Variants in HECA observed in about 807,000 individuals in gnomAD.
The protein encoded by HECA is HECA ribonucleoprotein granule regulator, also known as headcase protein homolog.
Under a neutral mutation model 37.6 loss-of-function variants are expected in HECA, and 13 were observed. The ratio of observed to expected loss-of-function variants is 0.35; its 90% CI spans 0.23 to 0.55. HECA has a LOEUF of 0.55. Ranked by LOEUF, HECA falls within the 20% of genes least tolerant of loss-of-function variation. The pLI is 0.90. For missense variants in HECA, 527 were observed against 701.9 expected (o/e 0.75, Z 2.82); for synonymous variants, 307 against 291.5 (o/e 1.05, Z -0.54).
rs543664070 is a variant in HECA at position 139,157,830 on chromosome 6, A to C, written c.272-8454A>C. Among the ~76,000 whole-genome samples, 3 of 152,192 alleles carry C rather than the reference A, an allele frequency of 2.0e-5. No homozygotes were observed. In the East Asian group the frequency reaches 5.8e-4, roughly 29 times the overall value. On this transcript the variant is annotated intron_variant, in intron 1 of 3. Coordinates refer to ENST00000367658, the MANE Select transcript of HECA (RefSeq NM_016217.3). ...CAGGATTGAGGCGAGGCACAGGTGG[A>C]GGAGGGTGTGTGCCTGCATGTAGCA...
At chr6:139,144,044 C>T (rs970412960) in intron 1 of HECA, among the ~76,000 whole-genome samples, 2 of 151,866 alleles carry the variant, frequency 1.3e-5, no homozygotes, top group Non-Finnish European at 2.9e-5. Context: ...GGTGAGGAGC[C>T]CAGGATGTAC....
Position 139,135,367 on chromosome 6 carries a change from C to G in HECA, c.-30C>G, listed in dbSNP as rs375652407. 1.8e-5 allele frequency: 24 copies of G among 1,321,998 alleles called. No homozygotes were observed. The African/African-American group carries it at 3.1e-4, about 17-fold the overall frequency. 81.9% of individuals were successfully genotyped at this position (1,321,998 alleles called of 1,614,324 possible). A position where few individuals can be genotyped will look rare whatever the true frequency, so the allele number is the denominator to read the frequency against. On this transcript the variant is annotated 5_prime_UTR_variant, in exon 1 of 4. Transcript: ENST00000367658. Reference sequence around the variant, plus strand: ...CTCTGGGATCCGCCTTCGCTGACGCCGGGCACCTACCTGGACGCGAGCGAG... The same window carrying G: ...CTCTGGGATCCGCCTTCGCTGACGCGGGGCACCTACCTGGACGCGAGCGAG...
At position 139,174,548 on chromosome 6, in the gene HECA, T is replaced by C. The variant is rs1775024218; in HGVS notation, c.1467+9T>C. 6.2e-7 allele frequency: 1 copy of C among 1,613,112 alleles called. No homozygotes were observed. The highest frequency in any genetic ancestry group is 8.5e-7 in the Non-Finnish European group (1 of 1,179,484). ...CCTCTCCATGTTGTCAGGTAGGTAC[T>C]GAACACACTGAGGGAGCAGTGGGTG... On this transcript the variant is annotated intron_variant, in intron 3 of 3. Transcript: ENST00000367658.
intron 3 of HECA, 138 bp downstream of exon 3, chr6:139,174,677 C>T: frequency 1.6e-6 from 2 of 1,237,918 alleles, no homozygotes; most frequent in Middle Eastern, 2.7e-4. Context: ...GTAATGTAGT[C>T]ATTTAGTGGA....
At chr6:139,135,721 CGGTGGCGGGGCCCTG>C in intron 1 of HECA, 54 bp downstream of exon 1, 1 of 856,106 alleles carries the variant, frequency 1.2e-6, no homozygotes, top group Non-Finnish European at 1.4e-6. Flanking sequence ...GGGGACGGCG[CGGTGGCGGGGCCCTG>C]GGTGGCGCGG....
chr6:139,147,220 G>A (rs530230161), intron 1 of HECA, among the ~76,000 whole-genome samples: 2 of 152,154 alleles, frequency 1.3e-5, no homozygotes, highest in Admixed American at 6.6e-5. Context: ...ACACACATAC[G>A]TACATAAATA....
At position 139,135,570 on chromosome 6, in the gene HECA, G is replaced by T; in HGVS notation, c.174G>T (p.Pro58=). The T allele has an allele frequency of 1.1e-6, 1 of 947,600 alleles. No homozygotes were observed. The highest frequency in any genetic ancestry group is 1.3e-6 in the Non-Finnish European group (1 of 799,752). 58.7% of individuals were successfully genotyped at this position (947,600 alleles called of 1,614,324 possible). The change falls in exon 1 of 4, where the codon CCG becomes CCT. Residue 58 remains proline (P), a synonymous_variant. Coordinates refer to ENST00000367658, the MANE Select transcript of HECA (RefSeq NM_016217.3). ...AGCGAAAAGA[P]GAGGAAGAGG... ...GCGGGGCGGCGGCGGCGGGCGCGCCGGGCGCCGGAGGCGCGGCGGGCGCCG... is the reference window on the plus strand; with the variant it reads ...GCGGGGCGGCGGCGGCGGGCGCGCCTGGCGCCGGAGGCGCGGCGGGCGCCG...
At chr6:139,135,857 C>T (rs1288082394) in intron 1 of HECA, among the ~76,000 whole-genome samples, 190 bp downstream of exon 1, 3 of 151,590 alleles carry the variant, frequency 2.0e-5, no homozygotes, top group Admixed American at 2.0e-4. Flanking sequence ...ATCTGCGGCC[C>T]CTGCCCGGTG....
intron 2 of HECA, among the ~76,000 whole-genome samples, chr6:139,171,784 A>C (rs1774976034): frequency 6.8e-6 from 1 of 146,344 alleles, no homozygotes; most frequent in Non-Finnish European, 1.5e-5. Flanking sequence ...AAGCCACCAC[A>C]CTCGGCTTAT....
At chr6:139,168,747 T>C (rs1165062395) in intron 2 of HECA, among the ~76,000 whole-genome samples, 1 of 152,218 alleles carries the variant, frequency 6.6e-6, no homozygotes, top group Non-Finnish European at 1.5e-5. Context: ...CAGGAGCTTT[T>C]TGAGAAAGGG....
At chr6:139,146,059 C>T (rs1245515744) in intron 1 of HECA, among the ~76,000 whole-genome samples, 1 of 152,066 alleles carries the variant, frequency 6.6e-6, no homozygotes, top group Non-Finnish European at 1.5e-5. Context: ...CATATTACCT[C>T]CCCTCCCCTA....
chr6:139,148,904 T>A (rs1774616017), intron 1 of HECA, among the ~76,000 whole-genome samples: 1 of 152,098 alleles, frequency 6.6e-6, no homozygotes, highest in South Asian at 2.1e-4. Flanking sequence ...CTAAAATCCC[T>A]TGTAGTTTTT....
At chr6:139,167,524 T>C (rs1341423402) in intron 2 of HECA, among the ~76,000 whole-genome samples, 200 bp downstream of exon 2, 1 of 152,206 alleles carries the variant, frequency 6.6e-6, no homozygotes, top group Non-Finnish European at 1.5e-5. Flanking sequence ...CAAGTACAGT[T>C]GTCCTAGCGG....
chr6:139,160,055 A>G (rs1274075650), intron 1 of HECA, among the ~76,000 whole-genome samples: 1 of 152,182 alleles, frequency 6.6e-6, no homozygotes, highest in Non-Finnish European at 1.5e-5. Flanking sequence ...ATGCAGGGTA[A>G]GAAAGCTGGG....
At chr6:139,160,425 C>G (rs1774782874) in intron 1 of HECA, among the ~76,000 whole-genome samples, 1 of 152,106 alleles carries the variant, frequency 6.6e-6, no homozygotes, top group African/African-American at 2.4e-5. Flanking sequence ...TCCATTTATG[C>G]CTTTGTGGGA....
chr6:139,136,364 A>G (rs1774436602), intron 1 of HECA, among the ~76,000 whole-genome samples: 1 of 152,018 alleles, frequency 6.6e-6, no homozygotes. Flanking sequence ...AATCTTAGGT[A>G]GTGCCTGAAT....
Position 139,167,340 on chromosome 6 carries a change from C to T in HECA, c.1312+16C>T. On this transcript the variant is annotated intron_variant, in intron 2 of 3. Coordinates refer to ENST00000367658, the MANE Select transcript of HECA (RefSeq NM_016217.3). ...CACCTTCAAGGTATAGGTGTTAATT[C>T]ACCTTGCCTGCTTTCTGTTTGTTAA... 1 of 1,521,694 alleles carries T rather than the reference C, an allele frequency of 6.6e-7. No individual in the cohort carries two copies. Among genetic ancestry groups the T allele is most frequent in the Non-Finnish European group, 9.0e-7 (1 of 1,114,922 alleles). 94.3% of individuals were successfully genotyped at this position (1,521,694 alleles called of 1,614,324 possible).
intron 1 of HECA, among the ~76,000 whole-genome samples, chr6:139,142,830 C>A (rs1774531873): frequency 6.6e-6 from 1 of 152,174 alleles, no homozygotes; most frequent in African/African-American, 2.4e-5. Flanking sequence ...CTCCTGTAAT[C>A]TCAGCTACTC....
chr6:139,135,425 G>T lies in HECA; in HGVS notation c.29G>T (p.Gly10Val). 1 of 1,383,896 alleles carries T rather than the reference G, an allele frequency of 7.2e-7. No individual in the cohort carries two copies. The highest frequency in any genetic ancestry group is 1.4e-5 in the South Asian group (1 of 73,880). The allele number at this position is 1,383,896 out of a possible 1,614,324, so 85.7% of individuals were successfully genotyped here. Residue 10 changes from glycine (G) to valine (V), a missense_variant, in exon 1 of 4, where the codon GGC becomes GTC. Physicochemically the swap from Gly to Val is moderately radical, Grantham distance 109. This residue lies in a region of HECA where 172 missense variants were observed against 197.6 expected (regional missense o/e 0.87). Coordinates refer to ENST00000367658, the MANE Select transcript of HECA (RefSeq NM_016217.3). ...CCCAACCCCAAAAACAGCAAAGGCG[G>T]CCGCAAAAACAAGCGCGCCAACAGC... MPNPKNSKG[G>V]RKNKRANSSG...
Sources: allele counts gnomAD v4.1 joint callset (sites outside exome capture counted in the v4.1 genomes callset), GRCh38; gene constraint gnomAD v4.1.1; regional missense constraint gnomAD v4.1.1; transcripts MANE v1.5; gene names NCBI Gene and HGNC (gene_info 2026-07-23, HGNC 2026-07-21).